NXN: variants seen among roughly 807,000 people sequenced by gnomAD.
The protein encoded by NXN is nucleoredoxin.
Under a neutral mutation model 48.6 loss-of-function variants are expected in NXN, and 16 were observed. The ratio of observed to expected loss-of-function variants is 0.33; its 90% CI spans 0.22 to 0.50. The LOEUF (loss-of-function observed/expected upper bound fraction) is 0.50, where lower values mean the gene tolerates loss of function less well. Ranked by LOEUF, NXN falls within the 20% of genes least tolerant of loss-of-function variation. NXN has a pLI of 0.98. For synonymous variants in NXN, 281 were observed against 269.6 expected (o/e 1.04, Z -0.41); for missense variants, 492 against 605.5 (o/e 0.81, Z 1.97).
rs768097929 is a variant in NXN, at chr17:958,954, CAT to C, written c.360+20363_360+20364del. ...TTTAAAAAAGAAACACACACACACACATACACACACACACACACGATACGAGT... is the reference window on the plus strand; with the variant it reads ...TTTAAAAAAGAAACACACACACACACACACACACACACACACGATACGAGT... On this transcript the variant is annotated intron_variant, in intron 1 of 7. Transcript: ENST00000336868. This position sits in a 1 kb window ranked among gnomAD's most constrained non-coding sequence, Gnocchi z 6.9. 27 of 158,984 alleles carry C rather than the reference CAT, an allele frequency of 1.7e-4. No homozygotes were observed. In the East Asian group the frequency reaches 4.2e-3, roughly 25 times the overall value. The allele number at this position is 158,984 out of a possible 1,614,324, so 9.8% of individuals were successfully genotyped here.
At chr17:855,352 G>C (rs905142800) in intron 1 of NXN, among the ~76,000 whole-genome samples, 2 of 152,190 alleles carry the variant, frequency 1.3e-5, no homozygotes, top group Admixed American at 1.3e-4. Context: ...CCCCGGGTCT[G>C]ATAGCGCCCA....
chr17:966,756 G>A (rs1193404296), intron 1 of NXN, among the ~76,000 whole-genome samples: 1 of 147,436 alleles, frequency 6.8e-6, no homozygotes, highest in African/African-American at 2.5e-5. Context: ...TGCCCTCTGT[G>A]CCTGGACAGA....
intron 1 of NXN, among the ~76,000 whole-genome samples, chr17:926,537 T>C (rs2068801077): frequency 5.0e-5 from 5 of 99,346 alleles, no homozygotes; most frequent in Non-Finnish European, 1.2e-4. Context: ...GTTTTTTGTT[T>C]TTTTTTTGTT....
intron 1 of NXN, among the ~76,000 whole-genome samples, chr17:974,227 T>C (rs1004304492): frequency 1.1e-3 from 166 of 151,520 alleles, no homozygotes; most frequent in African/African-American, 3.9e-3. Flanking sequence ...GGTGGGCGCC[T>C]GTAGTCCCAG....
At chr17:881,933 C>T (rs953302833) in intron 1 of NXN, among the ~76,000 whole-genome samples, 4 of 152,070 alleles carry the variant, frequency 2.6e-5, no homozygotes, top group Admixed American at 1.3e-4. Context: ...AAAACCAAAG[C>T]GACGGATGGG....
intron 1 of NXN, among the ~76,000 whole-genome samples, chr17:914,039 C>A (rs2144931167): frequency 6.6e-6 from 1 of 152,000 alleles, no homozygotes; most frequent in East Asian, 1.9e-4. Flanking sequence ...AGCTGGGACT[C>A]CAGACACCCA....
chr17:838,126 CTTTT>C (rs66721481), intron 1 of NXN, among the ~76,000 whole-genome samples: 148 of 99,176 alleles, frequency 1.5e-3, no homozygotes, highest in African/African-American at 5.2e-3. Context: ...TCCTTTCCTT[CTTTT>C]TTTTTTTTTT....
chr17:849,403 G>T lies in NXN; in HGVS notation c.361-23325C>A, dbSNP rs1327065472. Among the ~76,000 whole-genome samples the T allele has an allele frequency of 6.6e-6, 1 of 152,142 alleles. No individual in the cohort carries two copies. The highest frequency in any genetic ancestry group is 2.4e-5 in the African/African-American group (1 of 41,432). The stretch of plus-strand genomic sequence containing the variant: ...CAAAAATTAGCTGGGCGTGGTGGCA[G>T]GTACCTGTAATCCCAGCTACTCAGG... On this transcript the variant is annotated intron_variant, in intron 1 of 7. Transcript: ENST00000336868. The surrounding 1 kb of genome is among the most constrained non-coding windows in gnomAD (Gnocchi z 4.2).
chr17:953,422 G>A (rs559473514), intron 1 of NXN, among the ~76,000 whole-genome samples: 1 of 151,962 alleles, frequency 6.6e-6, no homozygotes, highest in African/African-American at 2.4e-5. Flanking sequence ...CTCAAAAAAA[G>A]AAAAGACTAT....
At chr17:831,848 T>C (rs1913489828) in intron 1 of NXN, among the ~76,000 whole-genome samples, 1 of 150,690 alleles carries the variant, frequency 6.6e-6, no homozygotes, top group South Asian at 2.1e-4. Flanking sequence ...TGGCTACTGA[T>C]TATTCTTTGA....
chr17:939,626 G>T (rs989744648), intron 1 of NXN, among the ~76,000 whole-genome samples: 1 of 151,876 alleles, frequency 6.6e-6, no homozygotes, highest in Admixed American at 6.6e-5. Context: ...GATTACAGGC[G>T]TGAGCCACCG....
In NXN at chr17:919,613, C is replaced by T. The variant is rs143146237; in HGVS notation, c.360+59706G>A. ...GAACCTACGTCGTCCTCGGAATCCC[C>T]GCATTCGTCCCACGCGGCCCTCAGA... On this transcript the variant is annotated intron_variant, in intron 1 of 7. Transcript: ENST00000336868. The surrounding 1 kb of genome is among the most constrained non-coding windows in gnomAD (Gnocchi z 5.1). 5.0e-3 allele frequency among the ~76,000 whole-genome samples: 762 copies of T among 152,192 alleles called. 5 individuals carry two copies. The highest frequency in any genetic ancestry group is 0.017 in the African/African-American group (700 of 41,520).
In NXN at chr17:820,751, G is replaced by A. The variant is rs544765512; in HGVS notation, c.714-1206C>T. ...CCAGCCTGGGCAACATGGAAAAACC[G>A]CATCTCTACTAAAAATACAAAAATT... is the stretch of plus-strand genomic sequence containing the variant. On this transcript the variant is annotated intron_variant, in intron 4 of 7. Coordinates refer to ENST00000336868, the MANE Select transcript of NXN (RefSeq NM_022463.5). Among the ~76,000 whole-genome samples, 4 of 68,576 alleles carry A rather than the reference G, an allele frequency of 5.8e-5. 2 individuals carry two copies. The South Asian group carries it at 1.8e-3, about 31-fold the overall frequency. The allele number at this position is 68,576 out of a possible 152,430, so 45.0% of individuals were successfully genotyped here.
At chr17:970,736 T>C (rs777638759) in intron 1 of NXN, among the ~76,000 whole-genome samples, 6 of 152,188 alleles carry the variant, frequency 3.9e-5, no homozygotes, top group Non-Finnish European at 5.9e-5. Flanking sequence ...CATCCAACAC[T>C]GTGACCCTGA....
intron 1 of NXN, among the ~76,000 whole-genome samples, chr17:859,623 G>C (rs1017308906): frequency 6.6e-6 from 1 of 152,192 alleles, no homozygotes; most frequent in Non-Finnish European, 1.5e-5. Flanking sequence ...GCCTGCCAGA[G>C]AAACAACTGA....
chr17:879,475 C>T (rs929663078), intron 1 of NXN, among the ~76,000 whole-genome samples: 3 of 151,696 alleles, frequency 2.0e-5, no homozygotes, highest in African/African-American at 4.8e-5. Flanking sequence ...TTAGTAGAGA[C>T]GGGGTCTCAC....
intron 7 of NXN, among the ~76,000 whole-genome samples, chr17:801,514 C>T (rs558158707): frequency 3.4e-4 from 46 of 136,762 alleles, no homozygotes; most frequent in African/African-American, 1.1e-3. Context: ...GGCACGATCT[C>T]GGCTCACTGC....
At chr17:892,754 G>C (rs768981151) in intron 1 of NXN, among the ~76,000 whole-genome samples, 2 of 152,236 alleles carry the variant, frequency 1.3e-5, no homozygotes, top group Non-Finnish European at 2.9e-5. Flanking sequence ...AAGCCCAGGA[G>C]ACTTTGAGAC....
intron 1 of NXN, among the ~76,000 whole-genome samples, chr17:883,978 G>C (rs1317019273): frequency 6.6e-6 from 1 of 152,092 alleles, no homozygotes; most frequent in Admixed American, 6.6e-5. Context: ...CAGCACTTTG[G>C]GAGGCCAAGA....
Sources: gnomAD v4.1 joint callset for allele counts (sites outside exome capture counted in the v4.1 genomes callset) on GRCh38, gnomAD v4.1.1 for gene constraint, Gnocchi (gnomAD v3.1) non-coding constraint, MANE v1.5 for transcripts, NCBI Gene and HGNC (gene_info 2026-07-23, HGNC 2026-07-21) for gene names.